Variants in NAE1 observed in about 807,000 individuals in gnomAD.
The protein encoded by NAE1 is NEDD8-activating enzyme E1 regulatory subunit.
A neutral mutation model predicts 88.0 loss-of-function variants in NAE1; 59 were observed. The ratio of observed to expected loss-of-function variants is 0.67; its 90% confidence interval spans 0.54 to 0.83. NAE1 has a LOEUF of 0.83. Among genes scored for constraint, NAE1 ranks in the 40% least tolerant of loss-of-function variants. The pLI is 0.00. For missense variants in NAE1, 554 were observed against 632.8 expected, an observed-to-expected ratio of 0.88 and a Z score of 1.34; for synonymous variants, 186 against 208.9, an observed-to-expected ratio of 0.89 and a Z score of 0.95.
At chr16:66,828,143 C>G in intron 1 of NAE1, 1 of 1,186,606 alleles carries the variant, frequency 8.4e-7, no homozygotes, top group Non-Finnish European at 1.2e-6. Context: ...TAGAAGACAC[C>G]TGACATATAT....
intron 3 of NAE1, 86 bp from the exon 4 acceptor site, chr16:66,824,971 C>T (rs1960405204): frequency 8.3e-7 from 1 of 1,201,684 alleles, no homozygotes; most frequent in African/African-American, 1.5e-5. Flanking sequence ...ATATTTCATT[C>T]ACAGTATAAA....
chr16:66,820,590 T>C (rs1444952838), intron 7 of NAE1, among the ~76,000 whole-genome samples: 2 of 151,936 alleles, frequency 1.3e-5, no homozygotes, highest in Non-Finnish European at 2.9e-5. Flanking sequence ...AAATCCTGTC[T>C]CTACTAAAAA....
chr16:66,822,554 G>C (rs1597048317), intron 6 of NAE1, among the ~76,000 whole-genome samples: 1 of 151,808 alleles, frequency 6.6e-6, no homozygotes, highest in African/African-American at 2.4e-5. Context: ...CTGAGCAACA[G>C]AGCAAGACTC....
intron 1 of NAE1, among the ~76,000 whole-genome samples, chr16:66,829,719 C>A (rs1476931464): frequency 6.6e-6 from 1 of 152,150 alleles, no homozygotes; most frequent in Non-Finnish European, 1.5e-5. Flanking sequence ...ATGGGTAGTG[C>A]AAGGAGAAAA....
intron 1 of NAE1, among the ~76,000 whole-genome samples, chr16:66,827,307 A>G (rs1487557774): frequency 1.3e-5 from 2 of 151,072 alleles, no homozygotes; most frequent in Non-Finnish European, 2.9e-5. Context: ...AGTGGCTCAC[A>G]CCTGTAATCC....
chr16:66,808,882 G>T (rs111552402), intron 16 of NAE1, 107 bp downstream of exon 16: 13 of 714,954 alleles, frequency 1.8e-5, no homozygotes, highest in Non-Finnish European at 2.4e-5. Flanking sequence ...ATATGTTTAC[G>T]TTATCTTTAA....
At position 66,826,568 on chromosome 16, in the gene NAE1, G is replaced by C. The variant is rs765536797; in HGVS notation, c.173C>G (p.Thr58Arg). 1.2e-6 allele frequency: 2 copies of C among 1,613,932 alleles called. No homozygotes were observed. Among genetic ancestry groups the C allele is most frequent in the African/African-American group, 2.7e-5 (2 of 74,916 alleles). The part of the protein sequence containing the change: ...NLVLPGIGSF[T>R]IIDGNQVSGE... Reference sequence around the variant, plus strand: ...GCTGACCTGATTTCCATCAATAATTGTAAACGAACCAATACCTGAGAGCCA... The same window carrying C: ...GCTGACCTGATTTCCATCAATAATTCTAAACGAACCAATACCTGAGAGCCA... Residue 58 changes from threonine (T) to arginine (R), a missense_variant, in exon 3 of 20, where the codon ACA (threonine) becomes AGA (arginine). Thr to Arg is a moderately conservative substitution (Grantham distance 71). Transcript: ENST00000290810.
At chr16:66,816,860 T>C in intron 10 of NAE1, 105 bp downstream of exon 10, 12 of 1,506,708 alleles carry the variant, frequency 8.0e-6, no homozygotes, top group South Asian at 2.8e-5. Context: ...TAAAAGCTCA[T>C]GATGCTATCA....
At chr16:66,816,323 C>A (rs1294332397) in intron 11 of NAE1, among the ~76,000 whole-genome samples, 1 of 151,984 alleles carries the variant, frequency 6.6e-6, no homozygotes, top group Non-Finnish European at 1.5e-5. Context: ...GTTCACCATG[C>A]CCAGCTAATT....
chr16:66,825,446 CAAAAA>C (rs1232878853), intron 3 of NAE1, among the ~76,000 whole-genome samples: 1 of 75,152 alleles, frequency 1.3e-5, no homozygotes, highest in Admixed American at 1.5e-4. Context: ...GACTCCGTCT[CAAAAA>C]AAAAAAAAAA....
At chr16:66,816,729 C>A in intron 10 of NAE1, 57 bp from the exon 11 acceptor site, 1 of 1,370,940 alleles carries the variant, frequency 7.3e-7, no homozygotes. Context: ...CTTCTGTTCC[C>A]CCATTATAAA....
chr16:66,804,244 A>AAC (rs1959472717), intron 19 of NAE1, among the ~76,000 whole-genome samples: 1 of 149,910 alleles, frequency 6.7e-6, no homozygotes, highest in South Asian at 2.1e-4. Flanking sequence ...GTAAAAAACA[A>AAC]AAAAAAAAAA....
At chr16:66,830,300 T>C (rs1960641752) in intron 1 of NAE1, among the ~76,000 whole-genome samples, 1 of 152,228 alleles carries the variant, frequency 6.6e-6, no homozygotes. Flanking sequence ...AAGTAAAATA[T>C]CTCAAGAACT....
chr16:66,803,484 C>T (rs1012920214), intron 19 of NAE1, among the ~76,000 whole-genome samples: 3 of 152,102 alleles, frequency 2.0e-5, no homozygotes, highest in African/African-American at 7.2e-5. Context: ...TATTAAATAT[C>T]GCCAGACCGC....
chr16:66,828,471 A>G (rs1960553721), intron 1 of NAE1, among the ~76,000 whole-genome samples: 1 of 150,922 alleles, frequency 6.6e-6, no homozygotes, highest in Admixed American at 6.6e-5. Context: ...AGCCTGCGCA[A>G]CACAGTGAGA....
At chr16:66,824,778 G>A in intron 4 of NAE1, 77 bp downstream of exon 4, 1 of 1,326,906 alleles carries the variant, frequency 7.5e-7, no homozygotes, top group African/African-American at 1.5e-5. Context: ...CGTTTTTAAA[G>A]TCAAAGCTTT....
At chr16:66,826,251 T>C in intron 3 of NAE1, 2 of 444,498 alleles carry the variant, frequency 4.5e-6, no homozygotes, top group Non-Finnish European at 8.2e-6. Flanking sequence ...TACAAGAGCT[T>C]AGGAAGTGCC....
chr16:66,807,596 C>T (rs1030287783), intron 17 of NAE1, among the ~76,000 whole-genome samples: 11 of 151,576 alleles, frequency 7.3e-5, no homozygotes, highest in South Asian at 4.2e-4. Flanking sequence ...GCTGAGATCA[C>T]GCCACTGCAC....
intron 7 of NAE1, among the ~76,000 whole-genome samples, chr16:66,820,113 C>T (rs1256613499): frequency 6.6e-6 from 1 of 152,200 alleles, no homozygotes; most frequent in African/African-American, 2.4e-5. Context: ...GCAGCCAGAG[C>T]TTATCCTGAC....
Sources: gnomAD v4.1 joint callset for allele counts (sites outside exome capture counted in the v4.1 genomes callset) on GRCh38, gnomAD v4.1.1 for gene constraint, MANE v1.5 for transcripts, NCBI Gene and HGNC (gene_info 2026-07-23, HGNC 2026-07-21) for gene names.